CUBN: variants seen among roughly 807,000 people sequenced by gnomAD.
CUBN encodes the protein 460 kDa receptor.
In CUBN, 282 loss-of-function variants were observed where a neutral mutation model predicts 405.3. The observed-to-expected ratio is 0.70, with a 90% CI of 0.63 to 0.77. CUBN has a LOEUF of 0.77. Ranked by LOEUF, CUBN falls within the 30% of genes least tolerant of loss-of-function variation. The pLI, the probability that CUBN is intolerant of heterozygous loss-of-function variation, is 0.00. For synonymous variants in CUBN, 1,684 were observed against 1,617.0 expected, an observed-to-expected ratio of 1.04 and a Z score of -0.99; for missense variants, 4,514 against 4,475.2, an observed-to-expected ratio of 1.01 and a Z score of -0.25.
chr10:16,984,093 T>C lies in CUBN; in HGVS notation c.4525+12A>G, dbSNP rs767305570. 2 of 1,614,146 alleles carry C rather than the reference T, an allele frequency of 1.2e-6. No individual in the cohort carries two copies. The highest frequency in any genetic ancestry group is 1.7e-6 in the Non-Finnish European group (2 of 1,179,978). On this transcript the variant is annotated intron_variant, in intron 30 of 66. Transcript: ENST00000377833. ...GCTTAAGTACTTTAGGAAACCTCCT[T>C]TTCTCACTCACCTCCAGTGACTGCT...
At chr10:16,876,179 A>T (rs557184675) in intron 57 of CUBN, among the ~76,000 whole-genome samples, 2 of 152,354 alleles carry the variant, frequency 1.3e-5, no homozygotes, top group Admixed American at 1.3e-4. Context: ...AATAGACTCA[A>T]GAAAGATGTT....
chr10:17,005,900 T>C (rs1834008951), intron 28 of CUBN, among the ~76,000 whole-genome samples: 1 of 152,190 alleles, frequency 6.6e-6, no homozygotes, highest in Admixed American at 6.5e-5. Flanking sequence ...AAAATGAAGC[T>C]GAATGGACTG....
intron 6 of CUBN, among the ~76,000 whole-genome samples, chr10:17,116,679 G>T (rs1243183957): frequency 6.6e-6 from 1 of 152,202 alleles, no homozygotes; most frequent in Non-Finnish European, 1.5e-5. Context: ...GACATTGTGG[G>T]AAATTAGCAT....
intron 28 of CUBN, among the ~76,000 whole-genome samples, chr10:17,004,080 T>C (rs372082716): frequency 8.3e-4 from 126 of 152,318 alleles, no homozygotes; most frequent in African/African-American, 2.9e-3. Flanking sequence ...TGGCTCATGC[T>C]TATCCAGGCA....
intron 59 of CUBN, among the ~76,000 whole-genome samples, chr10:16,854,323 T>A (rs1158821808): frequency 6.6e-6 from 1 of 152,152 alleles, no homozygotes; most frequent in Non-Finnish European, 1.5e-5. Flanking sequence ...GAAAACAGGA[T>A]GGGGTCTTCT....
intron 31 of CUBN, among the ~76,000 whole-genome samples, chr10:16,958,980 C>T (rs920780048): frequency 6.6e-6 from 1 of 152,222 alleles, no homozygotes; most frequent in Admixed American, 6.5e-5. Flanking sequence ...ATGGTGCATC[C>T]TCTTGTGGGG....
intron 34 of CUBN, among the ~76,000 whole-genome samples, chr10:16,948,865 G>T (rs1240339627): frequency 6.6e-6 from 1 of 152,138 alleles, no homozygotes; most frequent in Non-Finnish European, 1.5e-5. Flanking sequence ...AAACTTAGAT[G>T]ACCAAGGGAC....
intron 56 of CUBN, among the ~76,000 whole-genome samples, chr10:16,886,234 T>C (rs375987036): frequency 7.1e-4 from 108 of 152,306 alleles, no homozygotes; most frequent in African/African-American, 2.6e-3. Context: ...GAAAAGGCAG[T>C]GAGGTCATAG....
intron 27 of CUBN, chr10:17,023,599 C>G: frequency 2.2e-6 from 1 of 455,870 alleles, no homozygotes; most frequent in South Asian, 1.5e-5. Flanking sequence ...GTTTTCAGAG[C>G]AGAATGTTAA....
chr10:16,976,375 A>T (rs927209346), intron 31 of CUBN, among the ~76,000 whole-genome samples: 10 of 152,006 alleles, frequency 6.6e-5, no homozygotes, highest in Middle Eastern at 3.4e-3. Context: ...CTTTAAAAAA[A>T]TTTTTTTTAC....
intron 28 of CUBN, among the ~76,000 whole-genome samples, chr10:17,017,989 G>A (rs756410112): frequency 1.1e-4 from 17 of 152,052 alleles, no homozygotes; most frequent in Non-Finnish European, 2.2e-4. Context: ...ACTTGTTGTT[G>A]GGACCCCAGA....
intron 27 of CUBN, among the ~76,000 whole-genome samples, chr10:17,024,470 T>C (rs1834599128): frequency 6.6e-6 from 1 of 152,198 alleles, no homozygotes; most frequent in African/African-American, 2.4e-5. Context: ...CTTATATATA[T>C]GAGCTTGGGA....
At chr10:16,916,747 C>T (rs1028733244) in intron 45 of CUBN, among the ~76,000 whole-genome samples, 2 of 151,700 alleles carry the variant, frequency 1.3e-5, no homozygotes, top group Non-Finnish European at 2.9e-5. Context: ...TTCAACCGCT[C>T]ATTTTTTAAA....
intron 61 of CUBN, 124 bp from the exon 62 acceptor site, chr10:16,840,659 G>C: frequency 1.1e-6 from 1 of 931,702 alleles, no homozygotes; most frequent in South Asian, 1.4e-5. Context: ...ACTCTATTAA[G>C]AATTCAGGGT....
At chr10:16,870,888 T>C (rs185432755) in intron 58 of CUBN, among the ~76,000 whole-genome samples, 1 of 152,368 alleles carries the variant, frequency 6.6e-6, no homozygotes, top group East Asian at 1.9e-4. Context: ...AAATAACGAT[T>C]TCTAGAGTTC....
In CUBN at chr10:16,888,544, G is replaced by T; in HGVS notation, c.8778C>A (p.Gly2926=). 6.2e-7 allele frequency: 1 copy of T among 1,613,536 alleles called. No individual in the cohort carries two copies. Among genetic ancestry groups the T allele is most frequent in the South Asian group, 1.1e-5 (1 of 91,064 alleles). ...TTGGAGAAATGATGTAACCTGAAGG[G>T]CCAGTGAAATTACTTCCACATCCTA... ...FVSRCGSNFT[G]PSGYIISPNY... is the part of the protein sequence containing the mutation. The change falls in exon 56 of 67, where the codon GGC becomes GGA. Residue 2926 remains glycine, a synonymous_variant. Coordinates refer to ENST00000377833, the MANE Select transcript of CUBN (RefSeq NM_001081.4).
chr10:17,030,623 G>A (rs1042334566), intron 27 of CUBN, among the ~76,000 whole-genome samples: 3 of 152,138 alleles, frequency 2.0e-5, no homozygotes, highest in Non-Finnish European at 4.4e-5. Context: ...CTTTTCTTAA[G>A]AATAAGCATT....
chr10:17,089,887 G>A (rs983967106), intron 14 of CUBN, among the ~76,000 whole-genome samples: 1 of 152,166 alleles, frequency 6.6e-6, no homozygotes. Context: ...CACTTTGGGA[G>A]GCTGAGGCAG....
At chr10:16,934,467 AT>A (rs1269208051) in intron 39 of CUBN, among the ~76,000 whole-genome samples, 2 of 152,190 alleles carry the variant, frequency 1.3e-5, no homozygotes, top group Non-Finnish European at 2.9e-5. Flanking sequence ...TAGGCTACAG[AT>A]TTTTTTAAAG....
Sources: allele counts gnomAD v4.1 joint callset (sites outside exome capture counted in the v4.1 genomes callset), GRCh38; gene constraint gnomAD v4.1.1; transcripts MANE v1.5; gene names NCBI Gene and HGNC (gene_info 2026-07-23, HGNC 2026-07-21).